Variants in ERGIC2 observed in about 807,000 individuals in gnomAD.
ERGIC2 encodes endoplasmic reticulum-Golgi intermediate compartment protein 2.
A neutral mutation model predicts 52.5 loss-of-function variants in ERGIC2; 31 were observed. That is an observed-to-expected ratio of 0.59 (90% CI 0.44 to 0.80). The LOEUF (loss-of-function observed/expected upper bound fraction) is 0.80. Among genes scored for constraint, ERGIC2 ranks in the 30% least tolerant of loss-of-function variants. ERGIC2 has a pLI of 0.00. For missense variants in ERGIC2, 395 were observed against 455.2 expected (o/e 0.87, Z 1.20); for synonymous variants, 129 against 140.6 (o/e 0.92, Z 0.58).
intron 5 of ERGIC2, among the ~76,000 whole-genome samples, chr12:29,363,986 C>T (rs949423798): frequency 6.6e-5 from 10 of 152,048 alleles, no homozygotes; most frequent in Non-Finnish European, 1.5e-5. Flanking sequence ...AATGAGGATG[C>T]AACCTTTATT....
At chr12:29,379,617 T>C (rs1940559333) in intron 1 of ERGIC2, among the ~76,000 whole-genome samples, 1 of 152,216 alleles carries the variant, frequency 6.6e-6, no homozygotes, top group African/African-American at 2.4e-5. Flanking sequence ...GAGTGTTTAC[T>C]GTGTGCCAGG....
At chr12:29,376,137 T>C (rs1940511463) in intron 1 of ERGIC2, among the ~76,000 whole-genome samples, 2 of 152,204 alleles carry the variant, frequency 1.3e-5, no homozygotes, top group South Asian at 4.1e-4. Flanking sequence ...TGAAGCTCTT[T>C]AAACATTAAT....
rs1344364413 is a variant in ERGIC2, at chr12:29,339,628, A to G, written c.*1528T>C. 6.6e-6 allele frequency: 1 copy of G among 152,064 alleles called. No individual in the cohort carries two copies. The highest frequency in any genetic ancestry group is 1.5e-5 in the Non-Finnish European group (1 of 68,008). The allele number at this position is 152,064 out of a possible 1,614,324, so 9.4% of individuals were successfully genotyped here. ...AGTTAACGTCATGGCTCTTAATGAT[A>G]TATTTTTTAAAGTGATGCTTCTGTT... On this transcript the variant is annotated 3_prime_UTR_variant, in exon 14 of 14. Transcript: ENST00000360150.
chr12:29,343,097 A>G, intron 12 of ERGIC2, 23 bp downstream of exon 12: 1 of 1,549,080 alleles, frequency 6.5e-7, no homozygotes, highest in Non-Finnish European at 8.8e-7. Flanking sequence ...CAGAAATTAG[A>G]CAAAAAGGAA....
intron 13 of ERGIC2, among the ~76,000 whole-genome samples, chr12:29,341,525 C>A (rs757178749): frequency 8.5e-5 from 13 of 152,124 alleles, no homozygotes; most frequent in Non-Finnish European, 1.8e-4. Context: ...CTTGCACCAC[C>A]TTGCCTAGCT....
intron 10 of ERGIC2, among the ~76,000 whole-genome samples, chr12:29,348,787 CT>C: frequency 6.6e-6 from 1 of 152,030 alleles, no homozygotes; most frequent in Admixed American, 6.5e-5. Context: ...CAGTTATGCC[CT>C]GTTAATGTAT....
chr12:29,363,632 G>C (rs1470340370), intron 5 of ERGIC2, among the ~76,000 whole-genome samples: 1 of 151,912 alleles, frequency 6.6e-6, no homozygotes, highest in Non-Finnish European at 1.5e-5. Flanking sequence ...TGTTTACAAT[G>C]AAAACAGTCA....
intron 6 of ERGIC2, among the ~76,000 whole-genome samples, chr12:29,359,973 C>CA (rs1940260492): frequency 2.0e-5 from 3 of 151,268 alleles, no homozygotes; most frequent in Admixed American, 6.6e-5. Flanking sequence ...AACATTTTCA[C>CA]AAAAAAATAC....
chr12:29,342,878 T>G (rs1040239174), intron 12 of ERGIC2, among the ~76,000 whole-genome samples: 2 of 152,222 alleles, frequency 1.3e-5, no homozygotes, highest in Non-Finnish European at 2.9e-5. Flanking sequence ...TACTTCAATC[T>G]GATGTTAACA....
chr12:29,341,232 G>C lies in ERGIC2; in HGVS notation c.1072-14C>G. ...CTCAAAAGGAACCTAAGGAGAAAAGGAGGGAAAAAAAGACCAAAGAATTAG... is the reference window on the plus strand; with the variant it reads ...CTCAAAAGGAACCTAAGGAGAAAAGCAGGGAAAAAAAGACCAAAGAATTAG... On this transcript the variant is annotated splice_polypyrimidine_tract_variant and intron_variant, in intron 13 of 13. Transcript: ENST00000360150. 6.3e-7 allele frequency: 1 copy of C among 1,598,666 alleles called. No homozygotes were observed. Among genetic ancestry groups the C allele is most frequent in the East Asian group, 2.3e-5 (1 of 44,206 alleles).
chr12:29,364,637 A>C (rs1466991075), intron 5 of ERGIC2, among the ~76,000 whole-genome samples: 4 of 152,120 alleles, frequency 2.6e-5, no homozygotes, highest in African/African-American at 9.6e-5. Flanking sequence ...CTGCACAGAA[A>C]ACAAAAACAA....
At chr12:29,347,725 G>A (rs1197945149) in intron 10 of ERGIC2, among the ~76,000 whole-genome samples, 1 of 152,092 alleles carries the variant, frequency 6.6e-6, no homozygotes, top group African/African-American at 2.4e-5. Context: ...GATATGTAAT[G>A]TTGATTTTTT....
At chr12:29,360,366 A>G (rs969289696) in intron 6 of ERGIC2, among the ~76,000 whole-genome samples, 1 of 151,452 alleles carries the variant, frequency 6.6e-6, no homozygotes, top group Admixed American at 6.6e-5. Flanking sequence ...CAATCTATCC[A>G]TAAAATAGAC....
intron 13 of ERGIC2, 96 bp from the exon 14 acceptor site, chr12:29,341,314 C>A: frequency 1.1e-6 from 1 of 925,354 alleles, no homozygotes; most frequent in Non-Finnish European, 1.7e-6. Context: ...GCAATCCTTT[C>A]TAGTAACCAA....
chr12:29,357,643 T>C lies in ERGIC2; in HGVS notation c.456A>G (p.Thr152=), dbSNP rs956759023. The C allele has an allele frequency of 3.4e-5, 54 of 1,583,026 alleles. No homozygotes were observed. The highest frequency in any genetic ancestry group is 4.6e-5 in the Non-Finnish European group (53 of 1,152,636). ...DVIFKSAFKS[T]STALPPREDD... ...CTCACCTTGGTGGAAGAGCTGTTGA[T>C]GTACTTTTAAAAGCACTTTTAAATA... Residue 152 remains threonine, a synonymous_variant, in exon 7 of 14, where the codon ACA becomes ACG. Coordinates refer to ENST00000360150, the MANE Select transcript of ERGIC2 (RefSeq NM_016570.3).
At chr12:29,374,662 T>C (rs2136882385) in intron 1 of ERGIC2, among the ~76,000 whole-genome samples, 1 of 152,282 alleles carries the variant, frequency 6.6e-6, no homozygotes, top group Middle Eastern at 3.4e-3. Flanking sequence ...TAAGCCCAAC[T>C]ACACAAGCCA....
At chr12:29,341,346 T>C in intron 13 of ERGIC2, 128 bp from the exon 14 acceptor site, 3 of 726,136 alleles carry the variant, frequency 4.1e-6, no homozygotes, top group Non-Finnish European at 4.7e-6. Context: ...TCTCTCTCTC[T>C]CTCCCCCTAT....
At chr12:29,365,876 T>C (rs969050682) in intron 5 of ERGIC2, among the ~76,000 whole-genome samples, 2 of 151,758 alleles carry the variant, frequency 1.3e-5, no homozygotes, top group African/African-American at 4.8e-5. Context: ...GGAAAACGAG[T>C]CAGAAAGTAG....
chr12:29,357,775 T>A, intron 6 of ERGIC2, 51 bp from the exon 7 acceptor site: 1 of 970,888 alleles, frequency 1.0e-6, no homozygotes, highest in Non-Finnish European at 1.6e-6. Context: ...CAAAGAGAGC[T>A]GACACTTATT....
Sources: allele counts gnomAD v4.1 joint callset (sites outside exome capture counted in the v4.1 genomes callset), GRCh38; gene constraint gnomAD v4.1.1; transcripts MANE v1.5; gene names NCBI Gene and HGNC (gene_info 2026-07-23, HGNC 2026-07-21).